The following PLEK2 variants were observed in gnomAD, a reference collection of about 807,000 sequenced individuals.
PLEK2 encodes pleckstrin-2.
In PLEK2, 29 loss-of-function variants were observed where a neutral mutation model predicts 43.8. The observed-to-expected ratio is 0.66, with a 90% CI of 0.49 to 0.90. The LOEUF is 0.90. Ranked by LOEUF, PLEK2 falls within the 40% of genes least tolerant of loss-of-function variation. PLEK2 has a pLI of 0.00. For missense variants in PLEK2, 398 were observed against 448.1 expected (o/e 0.89, Z 1.01); for synonymous variants, 162 against 173.2 (o/e 0.94, Z 0.51).
intron 7 of PLEK2, among the ~76,000 whole-genome samples, chr14:67,389,181 G>A (rs941365943): frequency 7.9e-5 from 12 of 152,038 alleles, no homozygotes; most frequent in African/African-American, 2.9e-4. Context: ...CATACTGCAT[G>A]TTGGGCCCAG....
intron 1 of PLEK2, among the ~76,000 whole-genome samples, chr14:67,399,268 C>T (rs1007596095): frequency 2.9e-5 from 3 of 103,842 alleles, no homozygotes; most frequent in African/African-American, 4.1e-5. Flanking sequence ...AGAGAAGGGT[C>T]GTTTAGGTGG....
At chr14:67,393,985 G>A (rs2085988686) in intron 3 of PLEK2, among the ~76,000 whole-genome samples, 1 of 152,150 alleles carries the variant, frequency 6.6e-6, no homozygotes, top group Non-Finnish European at 1.5e-5. Context: ...CTGTTTGTAA[G>A]TCCCTATTAA....
rs1489482034 is a variant in PLEK2 at position 67,387,388 on chromosome 14, G to GA, written c.1002dup (p.Gln335SerfsTer7). ...GCTCGCTCAGCCTTGCTGCTGGCCT[G>GA]AATGTAATAGTGTGTGTCATCCTTA... On this transcript the variant is annotated frameshift_variant, in exon 9 of 9. Transcript: ENST00000216446. LOFTEE classifies it high-confidence loss of function. 6.2e-7 allele frequency: 1 copy of GA among 1,610,898 alleles called. No individual in the cohort carries two copies.
intron 1 of PLEK2, among the ~76,000 whole-genome samples, chr14:67,411,136 CAAAAAAA>C (rs925514488): frequency 5.8e-5 from 3 of 52,072 alleles, no homozygotes; most frequent in Non-Finnish European, 1.2e-4. Flanking sequence ...GACCCTGTCT[CAAAAAAA>C]AAAAAAAAAA....
chr14:67,407,751 C>T (rs1174635926), intron 1 of PLEK2, among the ~76,000 whole-genome samples: 1 of 152,140 alleles, frequency 6.6e-6, no homozygotes, highest in African/African-American at 2.4e-5. Context: ...AGACCCCTAA[C>T]TTTAAAGATA....
At chr14:67,390,860 C>T in intron 6 of PLEK2, 114 bp from the exon 7 acceptor site, 1 of 787,618 alleles carries the variant, frequency 1.3e-6, no homozygotes. Flanking sequence ...AATGGGACTA[C>T]ATTCTAAAAC....
At chr14:67,411,876 A>G in intron 1 of PLEK2, 142 bp downstream of exon 1, 1 of 720,678 alleles carries the variant, frequency 1.4e-6, no homozygotes, top group Non-Finnish European at 2.1e-6. Flanking sequence ...CATCAGGGCC[A>G]CAGGCGGCCC....
In PLEK2 at chr14:67,399,786, G is replaced by A. The variant is rs187960539; in HGVS notation, c.43-1960C>T. On this transcript the variant is annotated intron_variant, in intron 1 of 8. Transcript: ENST00000216446. ...TTAGGTGGCTCTCAAGTGGGTGGTA[G>A]AGCCAATGGGCAGAATAGTCAGGTG... Among the ~76,000 whole-genome samples, 27 of 152,310 alleles carry A rather than the reference G, an allele frequency of 1.8e-4. No individual in the cohort carries two copies. The East Asian group carries it at 4.8e-3, about 27-fold the overall frequency.
intron 3 of PLEK2, 67 bp downstream of exon 3, chr14:67,395,335 A>C: frequency 4.2e-5 from 58 of 1,366,924 alleles, no homozygotes; most frequent in Non-Finnish European, 5.2e-5. Flanking sequence ...CCCAAGGGGC[A>C]GGGTCCCCTG....
chr14:67,397,331 A>G (rs2086018280), intron 2 of PLEK2, among the ~76,000 whole-genome samples: 2 of 152,350 alleles, frequency 1.3e-5, no homozygotes, highest in South Asian at 4.1e-4. Flanking sequence ...ACCCCAAGAT[A>G]GCAGTAATTA....
chr14:67,393,368 G>A (rs1351488145), intron 3 of PLEK2, 127 bp from the exon 4 acceptor site: 2 of 733,268 alleles, frequency 2.7e-6, no homozygotes, highest in African/African-American at 1.7e-5. Flanking sequence ...ACAAAGAAAA[G>A]GGGTGTAGGA....
chr14:67,410,600 C>T (rs1197076224), intron 1 of PLEK2, among the ~76,000 whole-genome samples: 1 of 152,198 alleles, frequency 6.6e-6, no homozygotes, highest in Non-Finnish European at 1.5e-5. Flanking sequence ...TTACAGCAAA[C>T]AGCCACCGCT....
chr14:67,400,027 T>G (rs1011513342), intron 1 of PLEK2, among the ~76,000 whole-genome samples: 1 of 152,170 alleles, frequency 6.6e-6, no homozygotes, highest in Non-Finnish European at 1.5e-5. Context: ...TGGATTCATA[T>G]CAAAGGCCCT....
intron 1 of PLEK2, among the ~76,000 whole-genome samples, chr14:67,399,604 GTT>G (rs2086033838): frequency 6.8e-6 from 1 of 148,088 alleles, no homozygotes; most frequent in African/African-American, 2.6e-5. Flanking sequence ...AGTTTAGGTG[GTT>G]CTCAGGTGGC....
intron 4 of PLEK2, 114 bp from the exon 5 acceptor site, chr14:67,392,963 G>T: frequency 1.1e-6 from 1 of 940,924 alleles, no homozygotes; most frequent in South Asian, 1.6e-5. Context: ...CTCTACGCAA[G>T]AGCAGACTGA....
chr14:67,405,106 G>A (rs1031487431), intron 1 of PLEK2, among the ~76,000 whole-genome samples: 3 of 149,782 alleles, frequency 2.0e-5, no homozygotes, highest in East Asian at 2.0e-4. Flanking sequence ...GGTGGCAGGC[G>A]CCTGTAATCC....
chr14:67,388,278 A>T lies in PLEK2; in HGVS notation c.880T>A (p.Phe294Ile). Residue 294 changes from phenylalanine (F) to isoleucine (I), a missense_variant, in exon 8 of 9, where the codon TTT becomes ATT. Phe to Ile is a conservative substitution (Grantham distance 21). Coordinates refer to ENST00000216446, the MANE Select transcript of PLEK2 (RefSeq NM_016445.3). ...SKEENRPVGGFSLRGSLVSAL... is the reference protein window; with the variant it reads ...SKEENRPVGGISLRGSLVSAL... ...GACACGAGTGAACCACGAAGAGAAA[A>T]CCCACCCACTGGCCTGTTCTCTTCC... 6.2e-7 allele frequency: 1 copy of T among 1,612,984 alleles called. No homozygotes were observed. Among genetic ancestry groups the T allele is most frequent in the Non-Finnish European group, 8.5e-7 (1 of 1,179,018 alleles).
chr14:67,397,968 A>G, intron 1 of PLEK2, 142 bp from the exon 2 acceptor site: 1 of 623,180 alleles, frequency 1.6e-6, no homozygotes, highest in Non-Finnish European at 2.7e-6. Context: ...TTGTGTCTGG[A>G]TCTCTTCTGA....
intron 1 of PLEK2, chr14:67,398,061 A>C: frequency 2.7e-6 from 1 of 363,786 alleles, no homozygotes. Flanking sequence ...AGAAACTACA[A>C]AGTAAAAAGA....
Sources: gnomAD v4.1 joint callset for allele counts (sites outside exome capture counted in the v4.1 genomes callset) on GRCh38, gnomAD v4.1.1 for gene constraint, MANE v1.5 for transcripts, NCBI Gene and HGNC (gene_info 2026-07-23, HGNC 2026-07-21) for gene names.